Variants in TRPC5 observed in about 807,000 individuals in gnomAD.
The protein encoded by TRPC5 is short transient receptor potential channel 5.
TRPC5 carries 9 observed loss-of-function variants against 56.5 expected under a neutral mutation model. The observed-to-expected ratio is 0.16, with a 90% CI of 0.10 to 0.28. The LOEUF (loss-of-function observed/expected upper bound fraction) is 0.28. Among genes scored for constraint, TRPC5 ranks in the 10% least tolerant of loss-of-function variants. TRPC5 has a pLI of 1.00. For missense variants in TRPC5, 469 were observed against 748.9 expected, an observed-to-expected ratio of 0.63 and a Z score of 4.36; for synonymous variants, 282 against 278.5, an observed-to-expected ratio of 1.01 and a Z score of -0.13.
At position 111,774,481 on chromosome X, in the gene TRPC5, T is replaced by C. The variant is rs868663526; in HGVS notation, c.*1832A>G. On this transcript the variant is annotated 3_prime_UTR_variant, in exon 11 of 11. Coordinates refer to ENST00000262839, the MANE Select transcript of TRPC5 (RefSeq NM_012471.3). ...AGTCTTAGCGAAGCAGGGGAGAAAT[T>C]GATTTGAGTAAATAACCACTTCAGA... 1 of 111,763 alleles carries C rather than the reference T, an allele frequency of 8.9e-6. No individual in the cohort carries two copies. The highest frequency in any genetic ancestry group is 1.9e-5 in the Non-Finnish European group (1 of 53,155). 9.2% of individuals were successfully genotyped at this position (111,763 alleles called of 1,213,427 possible). A position where few individuals can be genotyped will look rare whatever the true frequency, so the allele number is the denominator to read the frequency against.
chrX:111,788,882 G>C (rs957099320), intron 7 of TRPC5, among the ~76,000 whole-genome samples: 11 of 111,649 alleles, frequency 9.9e-5, no homozygotes, highest in African/African-American at 3.6e-4. Flanking sequence ...TCTTCAAGGA[G>C]AACTACAAAC....
chrX:112,071,779 T>C (rs113633338), intron 1 of TRPC5, among the ~76,000 whole-genome samples: 2,507 of 112,012 alleles, frequency 0.022, 71 homozygotes, highest in African/African-American at 0.077. Flanking sequence ...CCAAAACAGA[T>C]GGTAGGCCCA....
intron 3 of TRPC5, among the ~76,000 whole-genome samples, chrX:111,900,646 T>C (rs1040153792): frequency 9.0e-6 from 1 of 111,548 alleles, no homozygotes; most frequent in South Asian, 3.8e-4. Context: ...AGCTCCCTTT[T>C]CAGTTCAATT....
At chrX:111,832,718 T>C (rs1049964367) in intron 7 of TRPC5, among the ~76,000 whole-genome samples, 1 of 111,173 alleles carries the variant, frequency 9.0e-6, no homozygotes, top group South Asian at 3.8e-4. Flanking sequence ...TGGTATAGAC[T>C]CCATTTAGGC....
intron 7 of TRPC5, among the ~76,000 whole-genome samples, chrX:111,823,161 G>T (rs893199109): frequency 1.8e-5 from 2 of 111,827 alleles, no homozygotes; most frequent in African/African-American, 6.5e-5. Flanking sequence ...GTGGCAAAGA[G>T]CTCTCAGCCT....
At chrX:112,021,227 G>T (rs1438740878) in intron 1 of TRPC5, among the ~76,000 whole-genome samples, 11 of 110,307 alleles carry the variant, frequency 1.0e-4, no homozygotes, top group Non-Finnish European at 1.1e-4. Context: ...ATATAATTGA[G>T]AACAGACTTC....
chrX:111,940,431 C>T (rs757981386), intron 2 of TRPC5, among the ~76,000 whole-genome samples: 2 of 111,489 alleles, frequency 1.8e-5, no homozygotes, highest in South Asian at 7.6e-4. Flanking sequence ...TGGCTCACGC[C>T]TGTAATCCCA....
At chrX:111,814,047 A>G (rs1921788461) in intron 7 of TRPC5, among the ~76,000 whole-genome samples, 2 of 112,622 alleles carry the variant, frequency 1.8e-5, no homozygotes, top group Admixed American at 1.9e-4. Context: ...TAGAAATTAT[A>G]CATTGTATTG....
In TRPC5 at chrX:111,965,221, C is replaced by T. The variant is rs757332483; in HGVS notation, c.-21-12780G>A. ...TTTAAAACAACAAAGATCAAAGAGA[C>T]AAAGAAGGCCATTACATAATGGTAA... On this transcript the variant is annotated intron_variant, in intron 1 of 10. Coordinates refer to ENST00000262839, the MANE Select transcript of TRPC5 (RefSeq NM_012471.3). Among the ~76,000 whole-genome samples, 92 of 111,533 alleles carry T rather than the reference C, an allele frequency of 8.2e-4. 1 individual carries two copies. Among genetic ancestry groups the T allele is most frequent in the African/African-American group, 2.5e-3 (78 of 30,669 alleles).
At chrX:111,893,315 T>C in intron 3 of TRPC5, among the ~76,000 whole-genome samples, 1 of 111,098 alleles carries the variant, frequency 9.0e-6, no homozygotes, top group Non-Finnish European at 1.9e-5. Context: ...AAAAAATCTT[T>C]CTAGAAGTAT....
chrX:111,890,361 G>T (rs1361079542), intron 3 of TRPC5, among the ~76,000 whole-genome samples: 1 of 111,872 alleles, frequency 8.9e-6, no homozygotes, highest in Non-Finnish European at 1.9e-5. Flanking sequence ...TGTCATTAGT[G>T]TTAGTGTATT....
chrX:111,839,273 C>T (rs1312503227), intron 6 of TRPC5, among the ~76,000 whole-genome samples: 1 of 111,825 alleles, frequency 8.9e-6, no homozygotes, highest in Non-Finnish European at 1.9e-5. Context: ...GCCCCAACTC[C>T]TTTCCTACAA....
At chrX:112,005,396 A>G (rs1255999608) in intron 1 of TRPC5, among the ~76,000 whole-genome samples, 2 of 105,759 alleles carry the variant, frequency 1.9e-5, no homozygotes, top group Non-Finnish European at 3.9e-5. Flanking sequence ...TGTATAACAA[A>G]CCCCTGTGAC....
chrX:111,997,137 C>T (rs113966171), intron 1 of TRPC5, among the ~76,000 whole-genome samples: 9,295 of 111,225 alleles, frequency 0.084, 794 homozygotes, highest in African/African-American at 0.26. Context: ...TGGCTGGTAC[C>T]GGTTGTTTCT....
intron 1 of TRPC5, among the ~76,000 whole-genome samples, chrX:112,042,858 G>A (rs1307781478): frequency 2.7e-5 from 3 of 109,753 alleles, no homozygotes; most frequent in African/African-American, 9.9e-5. Flanking sequence ...AGTGCCATCT[G>A]ACCTTCAATC....
At chrX:111,995,010 G>A (rs1399493827) in intron 1 of TRPC5, among the ~76,000 whole-genome samples, 1 of 111,855 alleles carries the variant, frequency 8.9e-6, no homozygotes, top group Non-Finnish European at 1.9e-5. Flanking sequence ...TGTTGAATAA[G>A]AGTGGTGAGA....
At position 112,012,400 on chromosome X, in the gene TRPC5, C is replaced by CT. The variant is rs765167513; in HGVS notation, c.-21-59960dup. On this transcript the variant is annotated intron_variant, in intron 1 of 10. Coordinates refer to ENST00000262839, the MANE Select transcript of TRPC5 (RefSeq NM_012471.3). Reference sequence around the variant, plus strand: ...TTTCTTTTCTTTTCTTTTTCTTTTTCTTTTTTTTGATGAAGTTGCAGGCAG... The same window carrying CT: ...TTTCTTTTCTTTTCTTTTTCTTTTTCTTTTTTTTTGATGAAGTTGCAGGCAG... Among the ~76,000 whole-genome samples, 591 of 108,284 alleles carry CT rather than the reference C, an allele frequency of 5.5e-3. 5 individuals carry two copies. The highest frequency in any genetic ancestry group is 0.018 in the African/African-American group (533 of 29,726). The allele number at this position is 108,284 out of a possible 115,157, so 94.0% of individuals were successfully genotyped here. A position where few individuals can be genotyped will look rare whatever the true frequency, so the allele number is the denominator to read the frequency against.
intron 3 of TRPC5, among the ~76,000 whole-genome samples, chrX:111,866,162 C>G (rs1024726829): frequency 3.5e-5 from 4 of 113,656 alleles, no homozygotes; most frequent in Non-Finnish European, 7.5e-5. Flanking sequence ...ATGCAGAAAG[C>G]TAAATTTCCC....
At chrX:111,866,614 T>A (rs972307452) in intron 3 of TRPC5, among the ~76,000 whole-genome samples, 4 of 112,663 alleles carry the variant, frequency 3.6e-5, no homozygotes, top group African/African-American at 1.3e-4. Flanking sequence ...AGGGGCCCAA[T>A]GGCTCTTGGC....
Sources: gnomAD v4.1 joint callset for allele counts (sites outside exome capture counted in the v4.1 genomes callset) on GRCh38, gnomAD v4.1.1 for gene constraint, MANE v1.5 for transcripts, NCBI Gene and HGNC (gene_info 2026-07-23, HGNC 2026-07-21) for gene names.